Variants in ST8SIA5 observed in about 807,000 individuals in gnomAD.
The protein encoded by ST8SIA5 is ST8 alpha-N-acetyl-neuraminide alpha-2,8-sialyltransferase 5.
A neutral mutation model predicts 40.2 loss-of-function variants in ST8SIA5; 24 were observed. That is an observed-to-expected ratio of 0.60 (90% CI 0.43 to 0.84). The LOEUF is 0.84. Ranked by LOEUF, ST8SIA5 falls within the 40% of genes least tolerant of loss-of-function variation. The probability of loss-of-function intolerance (pLI) is 0.00; values close to 1 mark genes in which losing one functional copy is unlikely to be tolerated. For synonymous variants in ST8SIA5, 198 were observed against 201.8 expected, an observed-to-expected ratio of 0.98 and a Z score of 0.16; for missense variants, 465 against 498.5, an observed-to-expected ratio of 0.93 and a Z score of 0.64.
intron 2 of ST8SIA5, among the ~76,000 whole-genome samples, chr18:46,701,198 T>C (rs1050558807): frequency 1.3e-4 from 17 of 126,826 alleles, no homozygotes; most frequent in Non-Finnish European, 2.2e-4. Context: ...TGGAGTGCAA[T>C]GGCACAATCT....
rs544419467 is a variant in ST8SIA5 at position 46,675,189 on chromosome 18, G to A, written c.*4853C>T. On this transcript the variant is annotated 3_prime_UTR_variant, in exon 7 of 7. Coordinates refer to ENST00000315087, the MANE Select transcript of ST8SIA5 (RefSeq NM_013305.6). Reference sequence around the variant, plus strand: ...ACAAATAGACATAAAGAGTGAAGGAGAAGGAAGAGGCAAAGGTGATCCAAG... The same window carrying A: ...ACAAATAGACATAAAGAGTGAAGGAAAAGGAAGAGGCAAAGGTGATCCAAG... The A allele has an allele frequency of 6.6e-6, 1 of 152,408 alleles. No individual in the cohort carries two copies. Among genetic ancestry groups the A allele is most frequent in the East Asian group, 1.9e-4 (1 of 5,186 alleles). 9.4% of individuals were successfully genotyped at this position (152,408 alleles called of 1,614,324 possible). A position where few individuals can be genotyped will look rare whatever the true frequency, so the allele number is the denominator to read the frequency against.
chr18:46,748,645 C>T (rs563530826), intron 1 of ST8SIA5, among the ~76,000 whole-genome samples: 357 of 150,710 alleles, frequency 2.4e-3, no homozygotes, highest in Non-Finnish European at 4.1e-3. Context: ...TTAAAAGATG[C>T]TCCACATCAT....
intron 1 of ST8SIA5, among the ~76,000 whole-genome samples, chr18:46,718,509 A>T (rs1470390850): frequency 6.6e-6 from 1 of 151,964 alleles, no homozygotes; most frequent in Non-Finnish European, 1.5e-5. Context: ...GCCTGTGACC[A>T]ATAAGAAGAT....
chr18:46,690,854 G>T (rs1858311089), intron 3 of ST8SIA5, among the ~76,000 whole-genome samples: 1 of 152,134 alleles, frequency 6.6e-6, no homozygotes, highest in Non-Finnish European at 1.5e-5. Context: ...GACCTCAGGT[G>T]ATTCACCCGC....
intron 3 of ST8SIA5, 74 bp downstream of exon 3, chr18:46,692,095 A>G: frequency 1.3e-6 from 2 of 1,506,232 alleles, no homozygotes; most frequent in Non-Finnish European, 1.8e-6. Context: ...GCCTTGCAGG[A>G]CAATGGAGAC....
chr18:46,735,733 C>G (rs1310499950), intron 1 of ST8SIA5, among the ~76,000 whole-genome samples: 2 of 152,164 alleles, frequency 1.3e-5, no homozygotes, highest in Non-Finnish European at 2.9e-5. Context: ...CCACCTCAGC[C>G]TCCTGAGTAG....
intron 5 of ST8SIA5, among the ~76,000 whole-genome samples, chr18:46,684,762 C>T (rs2039429278): frequency 6.6e-6 from 1 of 152,200 alleles, no homozygotes; most frequent in South Asian, 2.1e-4. Flanking sequence ...TGTTTCCAGC[C>T]TGCAAGAGCG....
At chr18:46,739,879 G>A (rs1482269954) in intron 1 of ST8SIA5, among the ~76,000 whole-genome samples, 1 of 152,078 alleles carries the variant, frequency 6.6e-6, no homozygotes, top group East Asian at 1.9e-4. Context: ...AGGTATAAAG[G>A]TCAGGCCCCC....
Position 46,680,475 on chromosome 18 carries a change from T to C in ST8SIA5, c.698A>G (p.Tyr233Cys), listed in dbSNP as rs768603204. The C allele has an allele frequency of 5.1e-5, 82 of 1,596,432 alleles. No homozygotes were observed. Among genetic ancestry groups the C allele is most frequent in the Non-Finnish European group, 6.8e-5 (79 of 1,170,008 alleles). The part of the protein sequence containing the change: ...HKLEKWRRPF[Y>C]RVLQVYENAS... The stretch of plus-strand genomic sequence containing the variant: ...GTTCTCGTACACCTGCAGCACGCGA[T>C]AGAACGGCCGCCGCCACTTCTCCAG... The change falls in exon 7 of 7, where the codon TAT becomes TGT. Residue 233 changes from tyrosine (Y) to cysteine (C), a missense_variant. Tyr to Cys is a radical substitution (Grantham distance 194). Transcript: ENST00000315087.
At chr18:46,687,690 C>T (rs1216227275) in intron 4 of ST8SIA5, among the ~76,000 whole-genome samples, 1 of 152,192 alleles carries the variant, frequency 6.6e-6, no homozygotes, top group African/African-American at 2.4e-5. Context: ...TACCTATACA[C>T]TTTGGTACCA....
At position 46,669,479 on chromosome 18, in the gene ST8SIA5, C is replaced by T. The variant is rs997938229; in HGVS notation, c.*10563G>A. On this transcript the variant is annotated 3_prime_UTR_variant, in exon 7 of 7. Transcript: ENST00000315087. ...GAAGGTGTGGAGAAAGTAAAAGTGTCACTTTCCCCCAGAAATGGTCATCTT... is the reference window on the plus strand; with the variant it reads ...GAAGGTGTGGAGAAAGTAAAAGTGTTACTTTCCCCCAGAAATGGTCATCTT... 2.0e-5 allele frequency: 3 copies of T among 152,202 alleles called. No homozygotes were observed. The highest frequency in any genetic ancestry group is 4.4e-5 in the Non-Finnish European group (3 of 68,052). The allele number at this position is 152,202 out of a possible 1,614,324, so 9.4% of individuals were successfully genotyped here.
Position 46,716,937 on chromosome 18 carries a change from T to C in ST8SIA5, c.132-12273A>G, listed in dbSNP as rs1056554891. On this transcript the variant is annotated intron_variant, in intron 1 of 6. Transcript: ENST00000315087. ...GACCTGGATGTGGAGCCAGACCCAG[T>C]TGGCAGAAGCTGAGTGAAGCCCTTT... is the stretch of plus-strand genomic sequence containing the variant. Among the ~76,000 whole-genome samples, 7 of 152,214 alleles carry C rather than the reference T, an allele frequency of 4.6e-5. No individual in the cohort carries two copies. The East Asian group carries it at 1.3e-3, about 29-fold the overall frequency.
intron 1 of ST8SIA5, among the ~76,000 whole-genome samples, chr18:46,710,417 TTTTCTTTCTCTC>T (rs2039717821): frequency 3.3e-5 from 3 of 90,378 alleles, no homozygotes; most frequent in Admixed American, 1.1e-4. Context: ...CTTTCTTTCT[TTTTCTTTCTCTC>T]TCTTTCTTTT....
chr18:46,723,310 G>C (rs1287923509), intron 1 of ST8SIA5: 1 of 152,290 alleles, frequency 6.6e-6, no homozygotes, highest in African/African-American at 2.4e-5. Context: ...CCAGCACTTT[G>C]GGAGGCCGAG....
intron 4 of ST8SIA5, among the ~76,000 whole-genome samples, chr18:46,688,278 A>C (rs2039467874): frequency 6.6e-6 from 1 of 152,240 alleles, no homozygotes; most frequent in Non-Finnish European, 1.5e-5. Flanking sequence ...AGCCAAATCT[A>C]TTCATAGTCC....
intron 1 of ST8SIA5, among the ~76,000 whole-genome samples, chr18:46,740,927 G>C (rs972243019): frequency 6.6e-6 from 1 of 152,110 alleles, no homozygotes; most frequent in African/African-American, 2.4e-5. Flanking sequence ...CCAAATTGAA[G>C]AGATTTAATT....
chr18:46,687,385 T>A (rs901189527), intron 4 of ST8SIA5, among the ~76,000 whole-genome samples: 4 of 152,230 alleles, frequency 2.6e-5, no homozygotes, highest in African/African-American at 9.6e-5. Flanking sequence ...AGTTACCGCC[T>A]GGCACTTTCT....
At position 46,670,744 on chromosome 18, in the gene ST8SIA5, C is replaced by G. The variant is rs908118800; in HGVS notation, c.*9298G>C. On this transcript the variant is annotated 3_prime_UTR_variant, in exon 7 of 7. Coordinates refer to ENST00000315087, the MANE Select transcript of ST8SIA5 (RefSeq NM_013305.6). ...ACCATGCCTGGACATATTTTCTTAT[C>G]CTTAATGTAGTGTTTTTTTTTTTCC... 16 of 151,196 alleles carry G rather than the reference C, an allele frequency of 1.1e-4. No individual in the cohort carries two copies. Among genetic ancestry groups the G allele is most frequent in the African/African-American group, 3.9e-4 (16 of 40,940 alleles). The allele number at this position is 151,196 out of a possible 1,614,324, so 9.4% of individuals were successfully genotyped here.
At chr18:46,718,645 G>A (rs1286842150) in intron 1 of ST8SIA5, among the ~76,000 whole-genome samples, 1 of 151,966 alleles carries the variant, frequency 6.6e-6, no homozygotes, top group African/African-American at 2.4e-5. Flanking sequence ...TATATACAAT[G>A]TATGAGTCAT....
Sources: allele counts gnomAD v4.1 joint callset (sites outside exome capture counted in the v4.1 genomes callset), GRCh38; gene constraint gnomAD v4.1.1; transcripts MANE v1.5; gene names NCBI Gene and HGNC (gene_info 2026-07-23, HGNC 2026-07-21).